PCDH7: variants seen among roughly 807,000 people sequenced by gnomAD.
PCDH7 encodes the protein protocadherin 7, also known as protocadherin-7.
Under a neutral mutation model 58.9 loss-of-function variants are expected in PCDH7, and 17 were observed. That is an observed-to-expected ratio of 0.29 (90% confidence interval 0.20 to 0.43). PCDH7 has a LOEUF of 0.43. Among genes scored for constraint, PCDH7 ranks in the 20% least tolerant of loss-of-function variants. The pLI, the probability that PCDH7 is intolerant of heterozygous loss-of-function variation, is 1.00. For synonymous variants in PCDH7, 664 were observed against 616.4 expected (o/e 1.08, Z -1.14); for missense variants, 1,274 against 1,441.0 (o/e 0.88, Z 1.88).
chr4:30,913,751 T>A (rs1373437536), intron 1 of PCDH7, among the ~76,000 whole-genome samples: 1 of 152,180 alleles, frequency 6.6e-6, no homozygotes, highest in South Asian at 2.1e-4. Context: ...ATTCTAATTC[T>A]TCTCTTTACC....
chr4:30,883,837 T>C (rs368667729), intron 1 of PCDH7, among the ~76,000 whole-genome samples: 1 of 152,210 alleles, frequency 6.6e-6, no homozygotes, highest in South Asian at 2.1e-4. Flanking sequence ...CTGTGCAAAT[T>C]TGAATGATCA....
exon 1 of PCDH7, chr4:30,724,128 G>C: frequency 3.1e-6 from 5 of 1,613,882 alleles, no homozygotes; most frequent in Non-Finnish European, 4.2e-6. Context: ...TGATGGCAAG[G>C]TACTGCAGGT....
intron 3 of PCDH7, among the ~76,000 whole-genome samples, chr4:31,016,196 A>T (rs1054873148): frequency 2.6e-5 from 4 of 152,140 alleles, no homozygotes; most frequent in Non-Finnish European, 5.9e-5. Context: ...CTACTTTTTC[A>T]TTCACAATTA....
intron 3 of PCDH7, among the ~76,000 whole-genome samples, chr4:31,071,751 C>G (rs1758557764): frequency 6.6e-6 from 1 of 151,930 alleles, no homozygotes; most frequent in Non-Finnish European, 1.5e-5. Flanking sequence ...CCTCGCATTT[C>G]ATTTAGGTTT....
chr4:31,121,548 G>T (rs184872382), intron 3 of PCDH7, among the ~76,000 whole-genome samples: 1 of 152,232 alleles, frequency 6.6e-6, no homozygotes, highest in Admixed American at 6.5e-5. Flanking sequence ...TATCTTTGTG[G>T]ACTTTTTATG....
At chr4:30,913,910 T>A (rs917668135) in intron 1 of PCDH7, among the ~76,000 whole-genome samples, 3 of 152,168 alleles carry the variant, frequency 2.0e-5, no homozygotes, top group South Asian at 2.1e-4. Flanking sequence ...ATTTAATAAA[T>A]CCTAATTTGC....
intron 3 of PCDH7, among the ~76,000 whole-genome samples, chr4:30,957,918 C>G (rs1445520305): frequency 6.6e-6 from 1 of 151,962 alleles, no homozygotes; most frequent in Non-Finnish European, 1.5e-5. Flanking sequence ...TATTTTTGGC[C>G]TCAGTATGAG....
intron 3 of PCDH7, among the ~76,000 whole-genome samples, chr4:31,111,357 G>C (rs35887692): frequency 1.3e-5 from 2 of 150,078 alleles, no homozygotes; most frequent in Non-Finnish European, 2.9e-5. Flanking sequence ...GCTCGGGCTA[G>C]AGTGCAATGG....
downstream of PCDH7, among the ~76,000 whole-genome samples, chr4:30,736,680 G>C (rs1008078607): frequency 5.3e-5 from 8 of 151,470 alleles, no homozygotes; most frequent in African/African-American, 1.7e-4. Context: ...GGACTACAGG[G>C]GCCCGCCATT....
intron 1 of PCDH7, among the ~76,000 whole-genome samples, chr4:30,891,778 T>TG (rs969887758): frequency 1.0e-3 from 149 of 141,972 alleles, no homozygotes; most frequent in Middle Eastern, 3.8e-3. Context: ...TTTTTGTTTT[T>TG]TTTTTTTCTC....
intron 3 of PCDH7, among the ~76,000 whole-genome samples, chr4:31,091,682 T>G (rs1397503758): frequency 6.6e-6 from 1 of 151,946 alleles, no homozygotes; most frequent in East Asian, 1.9e-4. Flanking sequence ...TAATTCCCAC[T>G]AATCTTCTAT....
At chr4:30,986,103 T>C (rs761663800) in intron 3 of PCDH7, among the ~76,000 whole-genome samples, 1 of 152,204 alleles carries the variant, frequency 6.6e-6, no homozygotes, top group African/African-American at 2.4e-5. Context: ...ACTTGAGATA[T>C]GCATTTTCAA....
At chr4:31,046,108 G>C (rs537185826) in intron 3 of PCDH7, among the ~76,000 whole-genome samples, 64 of 151,976 alleles carry the variant, frequency 4.2e-4, no homozygotes, top group African/African-American at 1.5e-3. Flanking sequence ...GGGTTGACTT[G>C]TATATCTGTA....
intron 3 of PCDH7, among the ~76,000 whole-genome samples, chr4:31,127,899 AT>A (rs1718487739): frequency 6.6e-6 from 1 of 151,944 alleles, no homozygotes; most frequent in South Asian, 2.1e-4. Context: ...CAATTTCCAT[AT>A]AATATGATTA....
At chr4:31,113,297 A>C (rs1716557199) in intron 3 of PCDH7, among the ~76,000 whole-genome samples, 1 of 152,228 alleles carries the variant, frequency 6.6e-6, no homozygotes. Flanking sequence ...AACAAGGTCA[A>C]GTGGTAAGCT....
chr4:30,988,920 T>C (rs1358483899), intron 3 of PCDH7, among the ~76,000 whole-genome samples: 1 of 152,206 alleles, frequency 6.6e-6, no homozygotes, highest in Non-Finnish European at 1.5e-5. Flanking sequence ...AGGCAAATCA[T>C]TCAAGATTTT....
intron 3 of PCDH7, among the ~76,000 whole-genome samples, chr4:30,997,111 T>C (rs1751963974): frequency 1.3e-5 from 2 of 152,040 alleles, no homozygotes; most frequent in African/African-American, 2.4e-5. Context: ...ATCAGTGTAC[T>C]ATTTCTGAAA....
At chr4:31,050,373 G>A (rs1210895884) in intron 3 of PCDH7, among the ~76,000 whole-genome samples, 2 of 152,030 alleles carry the variant, frequency 1.3e-5, no homozygotes, top group Non-Finnish European at 2.9e-5. Context: ...GGGCAAGTCT[G>A]GAAAATAAAT....
chr4:30,857,729 C>T (rs1322006588), intron 1 of PCDH7, among the ~76,000 whole-genome samples: 1 of 152,064 alleles, frequency 6.6e-6, no homozygotes, highest in African/African-American at 2.4e-5. Flanking sequence ...ACCTTTTGCA[C>T]CAGTTCTATC....
Sources: gnomAD v4.1 joint callset for allele counts (sites outside exome capture counted in the v4.1 genomes callset) on GRCh38, gnomAD v4.1.1 for gene constraint, MANE v1.5 for transcripts, NCBI Gene and HGNC (gene_info 2026-07-23, HGNC 2026-07-21) for gene names.